Variants in CIITA observed in about 807,000 individuals in gnomAD.
The protein encoded by CIITA is class II major histocompatibility complex transactivator, also known as MHC class II transactivator.
In CIITA, 72 loss-of-function variants were observed where a neutral mutation model predicts 115.1. The ratio of observed to expected loss-of-function variants is 0.63; its 90% CI spans 0.52 to 0.76. CIITA has a LOEUF of 0.76. Ranked by LOEUF, CIITA falls within the 30% of genes least tolerant of loss-of-function variation. The pLI is 0.00. For missense variants in CIITA, 1,617 were observed against 1,463.8 expected (o/e 1.10, Z -1.71); for synonymous variants, 763 against 635.6 (o/e 1.20, Z -3.02).
chr16:10,868,144 AT>A (rs1349775567), intron 1 of CIITA, among the ~76,000 whole-genome samples: 11 of 152,138 alleles, frequency 7.2e-5, no homozygotes, highest in African/African-American at 2.7e-4. Flanking sequence ...ATTGACATTG[AT>A]TATTTAGTGT....
rs1165233518 is a variant in CIITA, at chr16:10,901,278, T to C, written c.437-236T>C. Among the ~76,000 whole-genome samples, 2 of 152,184 alleles carry C rather than the reference T, an allele frequency of 1.3e-5. No individual in the cohort carries two copies. Among genetic ancestry groups the C allele is most frequent in the Non-Finnish European group, 2.9e-5 (2 of 68,028 alleles). ...TTTTTTGGCTCAAACCCATGTTGTG[T>C]CCCCATTTGTGACTCGGCCTCTTCT... On this transcript the variant is annotated intron_variant, in intron 5 of 19. Coordinates refer to ENST00000324288, the MANE Select transcript of CIITA (RefSeq NM_000246.4). The surrounding 1 kb of genome is among the most constrained non-coding windows in gnomAD (Gnocchi z 6.8).
In CIITA at chr16:10,878,012, G is replaced by A. The variant is rs577951137; in HGVS notation, c.52+630G>A. ...GGAAGGGTGTGCCCCTGAAGAAGTC[G>A]TTTACATTCTCGAGTCAATTTTCCT... On this transcript the variant is annotated intron_variant, in intron 1 of 19. Transcript: ENST00000324288. 7.9e-5 allele frequency among the ~76,000 whole-genome samples: 12 copies of A among 152,280 alleles called. No individual in the cohort carries two copies. In the South Asian group the frequency reaches 8.3e-4, roughly 11 times the overall value.
intron 1 of CIITA, among the ~76,000 whole-genome samples, chr16:10,886,184 C>T (rs970170642): frequency 2.6e-5 from 4 of 152,120 alleles, no homozygotes; most frequent in African/African-American, 4.8e-5. Context: ...GTGATCCACC[C>T]GCCTCGGCCT....
At chr16:10,911,306 C>T (rs1467847923) in intron 13 of CIITA, among the ~76,000 whole-genome samples, 1 of 130,162 alleles carries the variant, frequency 7.7e-6, no homozygotes, top group Non-Finnish European at 1.6e-5. Flanking sequence ...TTCCCTCCCT[C>T]CCTCCTTCCT....
At chr16:10,900,637 G>T (rs919671663) in intron 5 of CIITA, among the ~76,000 whole-genome samples, 1 of 152,076 alleles carries the variant, frequency 6.6e-6, no homozygotes, top group Non-Finnish European at 1.5e-5. Context: ...CTACCAGGGA[G>T]GCTAGGGTGG....
Position 10,887,252 on chromosome 16 carries a change from C to T in CIITA, c.53-8030C>T, listed in dbSNP as rs531540130. ...GGGAGCAGGTTGGTGTTGGGGGGGG[C>T]CTTGGGGGAAAGGAAAAGGAGAAGA... On this transcript the variant is annotated intron_variant, in intron 1 of 19. Transcript: ENST00000324288. Among the ~76,000 whole-genome samples the T allele has an allele frequency of 1.3e-3, 205 of 151,948 alleles. 1 individual carries two copies. Among genetic ancestry groups the T allele is most frequent in the African/African-American group, 4.7e-3 (195 of 41,420 alleles).
intron 1 of CIITA, among the ~76,000 whole-genome samples, chr16:10,881,390 T>G (rs1156839755): frequency 6.6e-6 from 1 of 152,150 alleles, no homozygotes; most frequent in Non-Finnish European, 1.5e-5. Context: ...AAAAGACAGT[T>G]CAGAAAGGGG....
chr16:10,870,744 C>T (rs1188264790), intron 1 of CIITA, among the ~76,000 whole-genome samples: 1 of 152,202 alleles, frequency 6.6e-6, no homozygotes, highest in African/African-American at 2.4e-5. Context: ...ATACGAATCT[C>T]CCAGGGCTCT....
At chr16:10,891,162 A>G (rs1035577492) in intron 1 of CIITA, among the ~76,000 whole-genome samples, 10 of 152,002 alleles carry the variant, frequency 6.6e-5, no homozygotes, top group Non-Finnish European at 1.5e-4. Flanking sequence ...ACCATCCCCC[A>G]TCTGTGATAC....
chr16:10,866,363 C>A (rs1195269016), intron 1 of CIITA: 3 of 568,106 alleles, frequency 5.3e-6, no homozygotes, highest in Non-Finnish European at 1.0e-5. Context: ...CTGGTGCAGG[C>A]CCTCTTGGAC....
chr16:10,887,158 G>A (rs956569527), intron 1 of CIITA, among the ~76,000 whole-genome samples: 2 of 152,176 alleles, frequency 1.3e-5, no homozygotes, highest in Admixed American at 6.5e-5. Flanking sequence ...GGTCATGGTA[G>A]ATAGGCATTC....
chr16:10,903,270 C>T (rs545247312), intron 8 of CIITA, among the ~76,000 whole-genome samples: 1 of 152,132 alleles, frequency 6.6e-6, no homozygotes, highest in Admixed American at 6.5e-5. Context: ...ACTGACCCAC[C>T]ACACTGAGGG....
At chr16:10,940,835 G>A (rs971729961), downstream of CIITA, 3 of 152,138 alleles carry the variant, frequency 2.0e-5, no homozygotes, top group African/African-American at 7.3e-5. This position sits in a 1 kb window ranked among gnomAD's most constrained non-coding sequence, Gnocchi z 4.2. Flanking sequence ...GCCTTCTCCC[G>A]AGGACCTAAG....
chr16:10,867,848 G>A (rs986777826), intron 1 of CIITA, among the ~76,000 whole-genome samples: 8 of 152,054 alleles, frequency 5.3e-5, no homozygotes, highest in Non-Finnish European at 7.4e-5. Flanking sequence ...CTCCATTTGC[G>A]GTGCTTAAGT....
chr16:10,897,939 C>T (rs932863272), intron 3 of CIITA, among the ~76,000 whole-genome samples: 2 of 152,174 alleles, frequency 1.3e-5, no homozygotes, highest in Admixed American at 6.5e-5. Flanking sequence ...CTTCTACCAC[C>T]GTCACCTATC....
At chr16:10,916,337 C>G (rs568069972) in intron 14 of CIITA, 30 bp from the exon 15 acceptor site, 4 of 1,608,950 alleles carry the variant, frequency 2.5e-6, no homozygotes, top group Non-Finnish European at 3.4e-6. Context: ...AGGACGCTAG[C>G]TGATGGCCCC....
chr16:10,916,598 C>A (rs2039965554), intron 15 of CIITA, 139 bp downstream of exon 15: 1 of 750,738 alleles, frequency 1.3e-6, no homozygotes, highest in Non-Finnish European at 2.3e-6. Context: ...TATGATCATA[C>A]CTCTGCAGCC....
At chr16:10,914,646 A>G (rs987788086) in intron 13 of CIITA, among the ~76,000 whole-genome samples, 2 of 152,152 alleles carry the variant, frequency 1.3e-5, no homozygotes, top group African/African-American at 4.8e-5. Flanking sequence ...ATCCCCTTGA[A>G]GTCTGCTCTA....
rs2039305300 is a variant in CIITA, at chr16:10,908,101, C to T, written c.2609C>T (p.Pro870Leu). ...GACCTCCGCAGCACTGGCATTTGCC[C>T]CTCTGGATTGGGGAGCCTCGTGGGA... The part of the protein sequence containing the change: ...SLDLRSTGIC[P>L]SGLGSLVGLS... The change falls in exon 11 of 20, where the codon CCC becomes CTC. Residue 870 changes from proline (P) to leucine (L), a missense_variant. Pro to Leu is a moderately conservative substitution (Grantham distance 98). Coordinates refer to ENST00000324288, the MANE Select transcript of CIITA (RefSeq NM_000246.4). The T allele has an allele frequency of 6.2e-7, 1 of 1,600,958 alleles. No individual in the cohort carries two copies. Among genetic ancestry groups the T allele is most frequent in the Admixed American group, 1.7e-5 (1 of 57,706 alleles).
Sources: allele counts gnomAD v4.1 joint callset (sites outside exome capture counted in the v4.1 genomes callset), GRCh38; gene constraint gnomAD v4.1.1; non-coding constraint Gnocchi (gnomAD v3.1); transcripts MANE v1.5; gene names NCBI Gene and HGNC (gene_info 2026-07-23, HGNC 2026-07-21).